MAP4K4: variants seen among roughly 807,000 people sequenced by gnomAD.
MAP4K4 encodes the protein HPK/GCK-like kinase HGK.
In MAP4K4, 38 loss-of-function variants were observed where a neutral mutation model predicts 189.6. The observed-to-expected ratio is 0.20, with a 90% CI of 0.15 to 0.26. The LOEUF is 0.26. Ranked by LOEUF, MAP4K4 falls within the 10% of genes least tolerant of loss-of-function variation. MAP4K4 has a pLI of 1.00. For synonymous variants in MAP4K4, 610 were observed against 624.3 expected (o/e 0.98, Z 0.34); for missense variants, 1,054 against 1,726.9 (o/e 0.61, Z 6.91).
At chr2:101,840,697 A>G (rs2096891159) in intron 10 of MAP4K4, among the ~76,000 whole-genome samples, 1 of 152,134 alleles carries the variant, frequency 6.6e-6, no homozygotes, top group Admixed American at 6.5e-5. Context: ...GGTCCTTATA[A>G]TAACTTTATA....
At position 101,811,169 on chromosome 2, in the gene MAP4K4, C is replaced by T. The variant is rs531018057; in HGVS notation, c.181-12759C>T. Among the ~76,000 whole-genome samples, 7 of 151,872 alleles carry T rather than the reference C, an allele frequency of 4.6e-5. No homozygotes were observed. The South Asian group carries it at 6.2e-4, about 14-fold the overall frequency. On this transcript the variant is annotated intron_variant, in intron 3 of 32. Coordinates refer to ENST00000324219, the Ensembl canonical transcript of MAP4K4. ...CGGGTGGATCACGAGGTCAAGAGAT[C>T]GAGGCCATCCTGCCCAACATGGTGA... is the stretch of plus-strand genomic sequence containing the variant.
At chr2:101,762,591 CA>C (rs1211973116) in intron 2 of MAP4K4, among the ~76,000 whole-genome samples, 1 of 152,160 alleles carries the variant, frequency 6.6e-6, no homozygotes, top group Non-Finnish European at 1.5e-5. Context: ...CTAAGTGGCA[CA>C]GGGGAAGATT....
chr2:101,867,081 T>G, intron 19 of MAP4K4, 131 bp from the exon 20 acceptor site: 1 of 633,118 alleles, frequency 1.6e-6, no homozygotes, highest in Non-Finnish European at 2.8e-6. Context: ...TGCTCTGTAA[T>G]TCAGACCTGC....
intron 6 of MAP4K4, among the ~76,000 whole-genome samples, chr2:101,830,705 G>A (rs1054171996): frequency 1.3e-5 from 2 of 152,186 alleles, no homozygotes; most frequent in African/African-American, 4.8e-5. Context: ...GACTCAGTGA[G>A]TTGTGTGTTC....
intron 27 of MAP4K4, among the ~76,000 whole-genome samples, chr2:101,881,371 T>G (rs1282185465): frequency 1.3e-5 from 2 of 152,322 alleles, no homozygotes; most frequent in Non-Finnish European, 2.9e-5. Flanking sequence ...TATAATTGCT[T>G]ATTAGTTCCA....
At chr2:101,851,693 A>G (rs1183804047) in intron 12 of MAP4K4, among the ~76,000 whole-genome samples, 7 of 140,328 alleles carry the variant, frequency 5.0e-5, no homozygotes, top group East Asian at 2.2e-4. Context: ...CTATTAGAAT[A>G]TAATGTGGAA....
chr2:101,811,370 C>CAAAAAAAAAAAA (rs71378177), intron 3 of MAP4K4, among the ~76,000 whole-genome samples: 26 of 68,892 alleles, frequency 3.8e-4, no homozygotes, highest in African/African-American at 1.3e-3. Context: ...GACTGCGTCT[C>CAAAAAAAAAAAA]AAAAAAAAAA....
At chr2:101,835,826 T>G (rs562567137) in intron 8 of MAP4K4, 74 bp from the exon 9 acceptor site, 37 of 1,004,884 alleles carry the variant, frequency 3.7e-5, no homozygotes, top group Non-Finnish European at 5.7e-5. Context: ...TTTCATGTTA[T>G]TTATGACTGA....
chr2:101,785,685 T>C (rs945612151), intron 2 of MAP4K4, among the ~76,000 whole-genome samples: 2 of 1,096 alleles, frequency 1.8e-3, no homozygotes, highest in Non-Finnish European at 3.4e-3. Context: ...TCCCTCTCTC[T>C]CTCTCTCTCT....
chr2:101,833,099 T>G lies in MAP4K4; in HGVS notation c.639+1248T>G, dbSNP rs74436415. ...TAATGAGCCCCTTTGTGTACCCTGA[T>G]AGTATAGAAAGCTTAATGAAAATAA... On this transcript the variant is annotated intron_variant, in intron 7 of 32. Transcript: ENST00000324219. 8.0e-3 allele frequency among the ~76,000 whole-genome samples: 1,212 copies of G among 152,230 alleles called. 58 individuals carry two copies. In the East Asian group the frequency reaches 0.12, roughly 16 times the overall value.
At chr2:101,698,938 C>T (rs2036438671) in intron 2 of MAP4K4, among the ~76,000 whole-genome samples, 1 of 152,148 alleles carries the variant, frequency 6.6e-6, no homozygotes, top group Admixed American at 6.5e-5. Context: ...CTTTGGCCAT[C>T]GTGAAAATTG....
chr2:101,894,625 T>C (rs1327503722), exon 33 of MAP4K4: 1 of 152,594 alleles, frequency 6.6e-6, no homozygotes, highest in Non-Finnish European at 1.5e-5. Context: ...TTGTCTACTG[T>C]GTATTATGAA....
At chr2:101,875,833 G>A (rs989044466) in intron 26 of MAP4K4, among the ~76,000 whole-genome samples, 2 of 152,230 alleles carry the variant, frequency 1.3e-5, no homozygotes, top group African/African-American at 4.8e-5. Flanking sequence ...CAAGGGGCAG[G>A]CAGTCTTAGA....
intron 2 of MAP4K4, among the ~76,000 whole-genome samples, chr2:101,762,290 A>G (rs2076834040): frequency 6.6e-6 from 1 of 152,202 alleles, no homozygotes; most frequent in African/African-American, 2.4e-5. Context: ...TGCCACACCT[A>G]GGTAAGATGC....
intron 12 of MAP4K4, among the ~76,000 whole-genome samples, chr2:101,852,508 G>T (rs192148662): frequency 8.6e-5 from 13 of 152,000 alleles, no homozygotes; most frequent in Non-Finnish European, 1.5e-5. Flanking sequence ...GTAACCAAAG[G>T]TATAGTAGTA....
chr2:101,845,420 A>G (rs2097071775), intron 12 of MAP4K4, among the ~76,000 whole-genome samples: 2 of 152,150 alleles, frequency 1.3e-5, no homozygotes, highest in Non-Finnish European at 2.9e-5. Flanking sequence ...ACGGGGATAC[A>G]TTCTGAGAAA....
intron 3 of MAP4K4, among the ~76,000 whole-genome samples, chr2:101,815,457 T>C (rs1263424813): frequency 6.6e-6 from 1 of 152,016 alleles, no homozygotes; most frequent in Non-Finnish European, 1.5e-5. Flanking sequence ...TTTTGTTAAG[T>C]TTTTTTTAAA....
At chr2:101,893,938 G>A (rs1016639677) in exon 33 of MAP4K4, 1 of 152,386 alleles carries the variant, frequency 6.6e-6, no homozygotes. Flanking sequence ...TGTCCTTCTC[G>A]GCGGGGGCTT....
chr2:101,784,286 G>A (rs200554730), intron 2 of MAP4K4, among the ~76,000 whole-genome samples: 604 of 132,718 alleles, frequency 4.6e-3, no homozygotes, highest in African/African-American at 0.017. Flanking sequence ...GTGTGTGTGT[G>A]TATGTGTGTG....
Sources: gnomAD v4.1 joint callset for allele counts (sites outside exome capture counted in the v4.1 genomes callset) on GRCh38, gnomAD v4.1.1 for gene constraint, MANE v1.5 for transcripts, NCBI Gene and HGNC (gene_info 2026-07-23, HGNC 2026-07-21) for gene names.